PDE1A: variants seen among roughly 807,000 people sequenced by gnomAD.
PDE1A encodes the protein phosphodiesterase 1A.
Under a neutral mutation model 61.7 loss-of-function variants are expected in PDE1A, and 35 were observed. That is an observed-to-expected ratio of 0.57 (90% confidence interval 0.43 to 0.75). The LOEUF is 0.75. Ranked by LOEUF, PDE1A falls within the 30% of genes least tolerant of loss-of-function variation. PDE1A has a pLI of 0.00. For synonymous variants in PDE1A, 232 were observed against 213.2 expected, an observed-to-expected ratio of 1.09 and a Z score of -0.77; for missense variants, 597 against 630.6, an observed-to-expected ratio of 0.95 and a Z score of 0.57.
intron 7 of PDE1A, among the ~76,000 whole-genome samples, chr2:182,222,445 T>C (rs1688807134): frequency 2.6e-5 from 4 of 151,996 alleles, no homozygotes; most frequent in Admixed American, 2.6e-4. Flanking sequence ...CGTGAAACTA[T>C]TGTGTGTGAT....
chr2:182,637,019 C>T, the PDE1A span, among the ~76,000 whole-genome samples: 1 of 152,186 alleles, frequency 6.6e-6, no homozygotes, highest in Non-Finnish European at 1.5e-5. Flanking sequence ...CTCTCTAACT[C>T]CGCCTGAAAA....
chr2:182,709,185 T>A, the PDE1A span, among the ~76,000 whole-genome samples: 1,093 of 151,844 alleles, frequency 7.2e-3, 14 homozygotes, highest in African/African-American at 0.025. Flanking sequence ...AAAAAAAAAA[T>A]TTAGAAAAAC....
chr2:182,345,563 A>G (rs1390431382), intron 1 of PDE1A, among the ~76,000 whole-genome samples: 1 of 152,144 alleles, frequency 6.6e-6, no homozygotes, highest in Admixed American at 6.6e-5. Context: ...CCCAGTTATT[A>G]CAGACCTCCT....
chr2:182,443,024 T>C (rs758805341), intron 2 of PDE1A, among the ~76,000 whole-genome samples: 1 of 151,804 alleles, frequency 6.6e-6, no homozygotes, highest in Non-Finnish European at 1.5e-5. Context: ...ACCAAAATAT[T>C]CCCCCTTCAC....
chr2:182,584,132 G>A, the PDE1A span, among the ~76,000 whole-genome samples: 2 of 152,032 alleles, frequency 1.3e-5, no homozygotes, highest in African/African-American at 4.8e-5. Context: ...GAACACAGCA[G>A]TGTTGGACTT....
chr2:182,145,595 G>A (rs1447958539), downstream of PDE1A, among the ~76,000 whole-genome samples: 1 of 152,124 alleles, frequency 6.6e-6, no homozygotes, highest in Non-Finnish European at 1.5e-5. Flanking sequence ...CAGGCTTGGG[G>A]GTGGGTGCCT....
chr2:182,473,445 A>C (rs1687160684), intron 2 of PDE1A, among the ~76,000 whole-genome samples: 1 of 151,804 alleles, frequency 6.6e-6, no homozygotes, highest in Non-Finnish European at 1.5e-5. Flanking sequence ...AAAAACAAAC[A>C]ACCCCATCAA....
At chr2:182,329,514 C>T (rs555428368) in intron 1 of PDE1A, among the ~76,000 whole-genome samples, 3 of 152,004 alleles carry the variant, frequency 2.0e-5, no homozygotes, top group Non-Finnish European at 2.9e-5. Flanking sequence ...CTCAGCCTCC[C>T]GAGTAGCTGG....
chr2:182,671,621 C>CTTT, the PDE1A span, among the ~76,000 whole-genome samples: 67 of 124,280 alleles, frequency 5.4e-4, 1 homozygote, highest in African/African-American at 1.8e-3. Flanking sequence ...CTTTCTTTTT[C>CTTT]TTTTTTTTTT....
chr2:182,549,524 T>C, the PDE1A span, among the ~76,000 whole-genome samples: 2 of 152,138 alleles, frequency 1.3e-5, no homozygotes, highest in Non-Finnish European at 2.9e-5. Context: ...CTTGCAGATC[T>C]CTGGAAAATA....
At chr2:182,262,177 CTTTCTTTCCT>C (rs2125780078) in intron 2 of PDE1A, among the ~76,000 whole-genome samples, 1 of 149,644 alleles carries the variant, frequency 6.7e-6, no homozygotes, top group East Asian at 2.0e-4. Flanking sequence ...CTTTCTTTCC[CTTTCTTTCCT>C]TTTTCTTTTT....
intron 1 of PDE1A, among the ~76,000 whole-genome samples, chr2:182,267,672 C>G (rs903481254): frequency 6.6e-6 from 1 of 151,988 alleles, no homozygotes; most frequent in Non-Finnish European, 1.5e-5. Context: ...TTATTACTAT[C>G]CTAATTGTAA....
chr2:182,452,489 CTTTTG>C lies in PDE1A; in HGVS notation c.101+69782_101+69786del, dbSNP rs566755463. Among the ~76,000 whole-genome samples, 200 of 152,202 alleles carry C rather than the reference CTTTTG, an allele frequency of 1.3e-3. 1 individual carries two copies. Among genetic ancestry groups the C allele is most frequent in the African/African-American group, 4.7e-3 (194 of 41,552 alleles). Reference sequence around the variant, plus strand: ...GTCTCATTTGCATATGTCCTTGAAGCTTTTGTTTTGTTTTCTTTGTTGTTCATGAT... The same window carrying C: ...GTCTCATTTGCATATGTCCTTGAAGCTTTTGTTTTCTTTGTTGTTCATGAT... On this transcript the variant is annotated intron_variant, in intron 2 of 14. Coordinates refer to the PDE1A transcript ENST00000410103.
the PDE1A span, among the ~76,000 whole-genome samples, chr2:182,613,933 G>A: frequency 6.6e-6 from 1 of 152,134 alleles, no homozygotes; most frequent in Non-Finnish European, 1.5e-5. Context: ...TTTTTGCAAA[G>A]CTGGGTTTTC....
the PDE1A span, among the ~76,000 whole-genome samples, chr2:182,626,792 C>CATAT: frequency 2.2e-4 from 2 of 8,972 alleles, no homozygotes; most frequent in African/African-American, 4.2e-4. Context: ...CATATATATA[C>CATAT]ATATATATAC....
intron 2 of PDE1A, among the ~76,000 whole-genome samples, chr2:182,462,324 T>A (rs944759853): frequency 2.0e-5 from 3 of 148,624 alleles, no homozygotes; most frequent in Non-Finnish European, 2.9e-5. Context: ...AATAGACATA[T>A]AAAAAAGTAT....
intron 1 of PDE1A, among the ~76,000 whole-genome samples, chr2:182,310,614 C>T (rs1172245089): frequency 6.6e-6 from 1 of 152,028 alleles, no homozygotes; most frequent in African/African-American, 2.4e-5. Flanking sequence ...CAAATTTATT[C>T]CCCCAAAGAC....
chr2:182,385,226 A>T (rs893614326), intron 1 of PDE1A, among the ~76,000 whole-genome samples: 1 of 152,240 alleles, frequency 6.6e-6, no homozygotes, highest in Non-Finnish European at 1.5e-5. Context: ...ATATGAAAGT[A>T]CAAATCTCAC....
At chr2:182,631,098 G>C in the PDE1A span, among the ~76,000 whole-genome samples, 5 of 151,996 alleles carry the variant, frequency 3.3e-5, no homozygotes, top group East Asian at 9.6e-4. Context: ...ACAATCTGCT[G>C]TCTGCAAGCT....
Sources: allele counts gnomAD v4.1 joint callset (sites outside exome capture counted in the v4.1 genomes callset), GRCh38; gene constraint gnomAD v4.1.1; transcripts MANE v1.5; gene names NCBI Gene and HGNC (gene_info 2026-07-23, HGNC 2026-07-21).